Variants in PRPF40B observed in about 807,000 individuals in gnomAD.
PRPF40B encodes the protein pre-mRNA-processing factor 40 homolog B.
A neutral mutation model predicts 124.5 loss-of-function variants in PRPF40B; 56 were observed. That is an observed-to-expected ratio of 0.45 (90% CI 0.36 to 0.56). PRPF40B has a LOEUF of 0.56. Ranked by LOEUF, PRPF40B falls within the 20% of genes least tolerant of loss-of-function variation. The pLI is 0.00. For missense variants in PRPF40B, 1,053 were observed against 1,169.5 expected, an observed-to-expected ratio of 0.90 and a Z score of 1.45; for synonymous variants, 443 against 426.4, an observed-to-expected ratio of 1.04 and a Z score of -0.48.
rs993910951 is a variant in PRPF40B, at chr12:49,642,267, G to A, written c.1917G>A (p.Glu639=). The A allele has an allele frequency of 5.0e-6, 8 of 1,614,106 alleles. No individual in the cohort carries two copies. The highest frequency in any genetic ancestry group is 6.8e-6 in the Non-Finnish European group (8 of 1,180,050). The change falls in exon 20 of 26, where the codon GAG becomes GAA. Residue 639 remains glutamate (E), a synonymous_variant. Coordinates refer to ENST00000548825, the MANE Select transcript of PRPF40B (RefSeq NM_001031698.3). This position sits in a 1 kb window ranked among gnomAD's most constrained non-coding sequence, Gnocchi z 5.8. ...AGAAAGCAGAGGCACGGGAGAGGGA[G>A]CGGGAGAAGGAGGAGGCACGCAGGA... is the stretch of plus-strand genomic sequence containing the variant. ...LLEKAEARER[E]REKEEARRMR...
At position 49,635,909 on chromosome 12, in the gene PRPF40B, A is replaced by C. The variant is rs755603516; in HGVS notation, c.1342A>C (p.Ser448Arg). Reference protein sequence around the residue: ...ALKSILDGMSSVNFQTTWSQA... With the variant: ...ALKSILDGMSRVNFQTTWSQA... ...AAAGAGCATCCTGGATGGGATGAGT[A>C]GTGTCAACTTCCAAACCACGTGGTC... The change falls in exon 15 of 26, where the codon AGT (serine) becomes CGT (arginine). Residue 448 changes from serine to arginine, a missense_variant. Physicochemically the swap from Ser to Arg is moderately radical, Grantham distance 110. Transcript: ENST00000548825. The surrounding 1 kb of genome is among the most constrained non-coding windows in gnomAD (Gnocchi z 4.1). 3 of 1,614,106 alleles carry C rather than the reference A, an allele frequency of 1.9e-6. No homozygotes were observed. The South Asian group carries it at 3.3e-5, about 18-fold the overall frequency.
chr12:49,641,768 G>GC, intron 18 of PRPF40B, 140 bp from the exon 19 acceptor site: 1 of 660,122 alleles, frequency 1.5e-6, no homozygotes, highest in Non-Finnish European at 2.6e-6. Flanking sequence ...GGATAACTTG[G>GC]TTTCTAATGC....
At chr12:49,632,993 T>C in intron 6 of PRPF40B, 21 bp from the exon 7 acceptor site, 1 of 1,498,394 alleles carries the variant, frequency 6.7e-7, no homozygotes, top group South Asian at 1.1e-5. Context: ...ACCACCATTC[T>C]GTGCCCCCCC....
chr12:49,642,234 G>A lies in PRPF40B; in HGVS notation c.1885-1G>A, dbSNP rs1942774920. The A allele has an allele frequency of 6.2e-7, 1 of 1,614,058 alleles. No homozygotes were observed. Among genetic ancestry groups the A allele is most frequent in the African/African-American group, 1.3e-5 (1 of 74,944 alleles). On this transcript the variant is annotated splice_acceptor_variant, in intron 19 of 25. Coordinates refer to ENST00000548825, the MANE Select transcript of PRPF40B (RefSeq NM_001031698.3). LOFTEE classifies it high-confidence loss of function. This position sits in a 1 kb window ranked among gnomAD's most constrained non-coding sequence, Gnocchi z 5.8. ...CTGTTCCGTGTCCCTTCTTTCCTCA[G>A]CTGCTGGAGAAAGCAGAGGCACGGG...
chr12:49,638,142 C>A (rs764586285), intron 18 of PRPF40B: 1 of 298,306 alleles, frequency 3.4e-6, no homozygotes, highest in Non-Finnish European at 6.4e-6. Flanking sequence ...GGAGTGTACA[C>A]GGGGTACTAA....
chr12:49,643,574 T>C (rs766116754), intron 23 of PRPF40B, 117 bp from the exon 24 acceptor site: 3 of 1,379,306 alleles, frequency 2.2e-6, no homozygotes, highest in Non-Finnish European at 2.9e-6. Flanking sequence ...AAACTGGACT[T>C]AGACTTCCTC....
In PRPF40B at chr12:49,632,996, G is replaced by GGGGGGGCCCCC; in HGVS notation, c.349-18_349-17insGGGGGGCCCCC. The GGGGGGGCCCCC allele has an allele frequency of 9.6e-6, 11 of 1,147,376 alleles. No homozygotes were observed. The highest frequency in any genetic ancestry group is 1.4e-5 in the South Asian group (1 of 70,348). 71.1% of individuals were successfully genotyped at this position (1,147,376 alleles called of 1,614,324 possible). ...AAAGGGGCCTTGACCACCATTCTGT[G>GGGGGGGCCCCC]CCCCCCCCCCCACCCAGAGGGCCCT... is the stretch of plus-strand genomic sequence containing the variant. On this transcript the variant is annotated splice_polypyrimidine_tract_variant and intron_variant, in intron 6 of 25. Transcript: ENST00000548825.
rs139742178 is a variant in PRPF40B at position 49,635,105 on chromosome 12, G to A, written c.1008G>A (p.Leu336=). The change falls in exon 13 of 26, where the codon TTG becomes TTA. Residue 336 remains leucine (L), a synonymous_variant. Coordinates refer to ENST00000548825, the MANE Select transcript of PRPF40B (RefSeq NM_001031698.3). The surrounding 1 kb of genome is among the most constrained non-coding windows in gnomAD (Gnocchi z 4.1). ...CTCCTACCCTCTATCCCAGTGCCTT[G>A]CCTAAACTGAGTGAGAAAAAGCAGG... ...MVVTDPRYSA[L]PKLSEKKQAF... The A allele has an allele frequency of 1.9e-6, 3 of 1,612,366 alleles. No individual in the cohort carries two copies. The highest frequency in any genetic ancestry group is 2.5e-6 in the Non-Finnish European group (3 of 1,179,626).
At chr12:49,636,555 T>C in intron 15 of PRPF40B, 161 bp from the exon 16 acceptor site, 1 of 751,340 alleles carries the variant, frequency 1.3e-6, no homozygotes, top group South Asian at 1.8e-5. Flanking sequence ...AGAACTACCA[T>C]TGCAGTGGCT....
Position 49,635,453 on chromosome 12 carries a change from T to C in PRPF40B, c.1255T>C (p.Phe419Leu), listed in dbSNP as rs1436241719. 1.1e-5 allele frequency: 18 copies of C among 1,613,612 alleles called. No individual in the cohort carries two copies. Among genetic ancestry groups the C allele is most frequent in the Non-Finnish European group, 1.4e-5 (17 of 1,179,844 alleles). Residue 419 changes from phenylalanine (F) to leucine (L), a missense_variant, in exon 14 of 26, where the codon TTC (phenylalanine) becomes CTC (leucine). Transcript: ENST00000548825. This position sits in a 1 kb window ranked among gnomAD's most constrained non-coding sequence, Gnocchi z 4.1. ...AGAGGTTTATGATGATGTCCTCTTC[T>C]TCCTGGCCAAGAAGGAGAAGGTAAT... ...RKEVYDDVLF[F>L]LAKKEKEQAK...
intron 4 of PRPF40B, 199 bp downstream of exon 4, chr12:49,632,124 T>C: frequency 1.6e-6 from 1 of 635,934 alleles, no homozygotes. Context: ...CCCAAAGGCA[T>C]ATACATTCTC....
chr12:49,641,035 G>A (rs972855877), intron 18 of PRPF40B: 6 of 152,230 alleles, frequency 3.9e-5, no homozygotes, highest in African/African-American at 1.4e-4. Context: ...CTATGTGGAG[G>A]GAGAGAAAGG....
chr12:49,643,140 C>G (rs777016432), intron 22 of PRPF40B, 83 bp from the exon 23 acceptor site: 545 of 1,588,074 alleles, frequency 3.4e-4, no homozygotes, highest in Non-Finnish European at 4.3e-4. Context: ...GCCCTGGGTC[C>G]TCCTCCTCTC....
intron 18 of PRPF40B, chr12:49,641,676 A>G: frequency 1.9e-6 from 1 of 520,164 alleles, no homozygotes; most frequent in Non-Finnish European, 3.4e-6. Context: ...CAGTTGGGAG[A>G]CATCTCCCAA....
In PRPF40B at chr12:49,632,996, G is replaced by GGGGGGGGGCCCC; in HGVS notation, c.349-18_349-17insGGGGGGGGCCCC. ...AAAGGGGCCTTGACCACCATTCTGT[G>GGGGGGGGGCCCC]CCCCCCCCCCCACCCAGAGGGCCCT... On this transcript the variant is annotated splice_polypyrimidine_tract_variant and intron_variant, in intron 6 of 25. Transcript: ENST00000548825. The GGGGGGGGGCCCC allele has an allele frequency of 1.1e-5, 13 of 1,147,386 alleles. No homozygotes were observed. The highest frequency in any genetic ancestry group is 1.7e-5 in the African/African-American group (1 of 57,782). 71.1% of individuals were successfully genotyped at this position (1,147,386 alleles called of 1,614,324 possible).
rs1182809617 is a variant in PRPF40B, at chr12:49,635,845, A to T, written c.1278A>T (p.Glu426Asp). 1.2e-6 allele frequency: 2 copies of T among 1,613,576 alleles called. No homozygotes were observed. Among genetic ancestry groups the T allele is most frequent in the African/African-American group, 2.7e-5 (2 of 74,822 alleles). Residue 426 changes from glutamate to aspartate, a missense_variant and splice_region_variant, in exon 15 of 26, where the codon GAA becomes GAT. This residue lies in a region of PRPF40B where 895 missense variants were observed against 1,052.2 expected (regional missense o/e 0.85). Transcript: ENST00000548825. The surrounding 1 kb of genome is among the most constrained non-coding windows in gnomAD (Gnocchi z 4.1). ...VLFFLAKKEK[E>D]QAKQLRRRNI... The stretch of plus-strand genomic sequence containing the variant: ...ACCCTGATCCTGTGGCTCCCTAGGA[A>T]CAGGCCAAGCAGCTCCGGCGCCGCA...
chr12:49,640,015 G>A (rs1199837560), intron 18 of PRPF40B: 1 of 152,204 alleles, frequency 6.6e-6, no homozygotes, highest in Non-Finnish European at 1.5e-5. Context: ...ACTGAGTCCT[G>A]TCTCTCCACA....
Position 49,644,233 on chromosome 12 carries a change from T to C in PRPF40B, c.*41T>C. 1 of 1,603,986 alleles carries C rather than the reference T, an allele frequency of 6.2e-7. No homozygotes were observed. Among genetic ancestry groups the C allele is most frequent in the Non-Finnish European group, 8.5e-7 (1 of 1,171,318 alleles). Reference sequence around the variant, plus strand: ...TCTGCCTCGGGTCTGTGTGAGGCCATGGCTCCTGGGCCACCCTCACCGTCT... The same window carrying C: ...TCTGCCTCGGGTCTGTGTGAGGCCACGGCTCCTGGGCCACCCTCACCGTCT... On this transcript the variant is annotated 3_prime_UTR_variant, in exon 26 of 26. Coordinates refer to ENST00000548825, the MANE Select transcript of PRPF40B (RefSeq NM_001031698.3).
At chr12:49,641,783 C>A in intron 18 of PRPF40B, 125 bp from the exon 19 acceptor site, 1 of 742,732 alleles carries the variant, frequency 1.3e-6, no homozygotes. Context: ...TAATGCAGAC[C>A]ACAGTCCTGT....
Sources: gnomAD v4.1 joint callset for allele counts on GRCh38, gnomAD v4.1.1 for gene constraint, gnomAD v4.1.1 regional missense constraint, Gnocchi (gnomAD v3.1) non-coding constraint, MANE v1.5 for transcripts, NCBI Gene and HGNC (gene_info 2026-07-23, HGNC 2026-07-21) for gene names.